Variants in NBAS observed in about 807,000 individuals in gnomAD.
The protein encoded by NBAS is NBAS subunit of NRZ tethering complex, also known as NAG/BC035112 fusion.
A neutral mutation model predicts 302.5 loss-of-function variants in NBAS; 219 were observed. That is an observed-to-expected ratio of 0.72 (90% CI 0.65 to 0.81). The LOEUF is 0.81. NBAS is among the 30% of genes least tolerant of loss of function. The pLI is 0.00. For synonymous variants in NBAS, 1,118 were observed against 1,021.6 expected (o/e 1.09, Z -1.80); for missense variants, 2,932 against 2,841.6 (o/e 1.03, Z -0.72).
At chr2:14,841,500 C>CAA in the NBAS span, among the ~76,000 whole-genome samples, 5 of 122,032 alleles carry the variant, frequency 4.1e-5, no homozygotes, top group Non-Finnish European at 7.5e-5. Flanking sequence ...CAACTGGAAA[C>CAA]AAAAAAAAAA....
At chr2:15,032,637 C>A in the NBAS span, among the ~76,000 whole-genome samples, 1 of 152,062 alleles carries the variant, frequency 6.6e-6, no homozygotes, top group Non-Finnish European at 1.5e-5. Flanking sequence ...TTTGGCCTAT[C>A]TATATTGCAA....
chr2:15,016,456 G>A, the NBAS span, among the ~76,000 whole-genome samples: 1 of 152,010 alleles, frequency 6.6e-6, no homozygotes, highest in African/African-American at 2.4e-5. Context: ...ACAAAACACT[G>A]ATGAAATAAT....
At chr2:15,558,484 C>A in intron 2 of NBAS, 96 bp downstream of exon 2, 1 of 848,144 alleles carries the variant, frequency 1.2e-6, no homozygotes, top group Non-Finnish European at 1.9e-6. Flanking sequence ...ACTCAGATAA[C>A]ACACATTACT....
chr2:14,908,780 G>A, the NBAS span, among the ~76,000 whole-genome samples: 1,396 of 152,268 alleles, frequency 9.2e-3, 21 homozygotes, highest in South Asian at 0.039. Flanking sequence ...CTCTGAAGAT[G>A]AAATCACCCC....
chr2:15,356,918 T>C (rs192258403), intron 32 of NBAS, among the ~76,000 whole-genome samples: 1 of 152,314 alleles, frequency 6.6e-6, no homozygotes, highest in Admixed American at 6.5e-5. Context: ...CAAATTCTCG[T>C]TGGGCTCCTC....
chr2:15,441,018 A>G (rs1409292520), intron 21 of NBAS, among the ~76,000 whole-genome samples: 5 of 152,218 alleles, frequency 3.3e-5, no homozygotes. Flanking sequence ...AAAAGACCAA[A>G]TCTGCATCTG....
rs61152926 is a variant in NBAS at position 15,229,347 on chromosome 2, C to CAAAAAAAA, written c.6236+3067_6236+3074dup. 2.6e-3 allele frequency among the ~76,000 whole-genome samples: 200 copies of CAAAAAAAA among 76,882 alleles called. 9 individuals carry two copies. The highest frequency in any genetic ancestry group is 0.014 in the Middle Eastern group (1 of 72). The allele number at this position is 76,882 out of a possible 152,430, so 50.4% of individuals were successfully genotyped here. On this transcript the variant is annotated intron_variant, in intron 47 of 51. Transcript: ENST00000281513. ...CACTGCAAGACTCTGTCTCAAAAAA[C>CAAAAAAAA]AAAAAAAAAAAAAAAAAAAAAAAAA...
chr2:15,289,456 G>A (rs1572596997), intron 41 of NBAS, among the ~76,000 whole-genome samples: 1 of 152,138 alleles, frequency 6.6e-6, no homozygotes, highest in Non-Finnish European at 1.5e-5. Flanking sequence ...ATCATGGAAT[G>A]AGAATTCCTT....
the NBAS span, among the ~76,000 whole-genome samples, chr2:14,934,278 AT>A: frequency 6.6e-6 from 1 of 152,138 alleles, no homozygotes; most frequent in Non-Finnish European, 1.5e-5. Flanking sequence ...TTAAAAACCT[AT>A]TTTTTCCATT....
intron 44 of NBAS, among the ~76,000 whole-genome samples, chr2:15,246,402 T>A (rs1441642661): frequency 6.6e-6 from 1 of 152,194 alleles, no homozygotes; most frequent in Non-Finnish European, 1.5e-5. Context: ...TCCCTAGACC[T>A]AACATAATGT....
In NBAS at chr2:15,238,693, A is replaced by G. The variant is rs750811014; in HGVS notation, c.5725-7T>C. 3 of 1,462,550 alleles carry G rather than the reference A, an allele frequency of 2.1e-6. No homozygotes were observed. The highest frequency in any genetic ancestry group is 2.7e-6 in the Non-Finnish European group (3 of 1,113,428). 90.6% of individuals were successfully genotyped at this position (1,462,550 alleles called of 1,614,324 possible). On this transcript the variant is annotated splice_polypyrimidine_tract_variant and splice_region_variant and intron_variant, in intron 44 of 51. Coordinates refer to ENST00000281513, the MANE Select transcript of NBAS (RefSeq NM_015909.4). ...TACGGGCTTCCACAGACAGCTTAAA[A>G]AAAAGAATAGTGAGACCAAAGAACC...
At chr2:15,288,090 G>A (rs1308680180) in intron 41 of NBAS, among the ~76,000 whole-genome samples, 2 of 152,240 alleles carry the variant, frequency 1.3e-5, no homozygotes, top group Non-Finnish European at 2.9e-5. Context: ...CGGTTGAAAA[G>A]ATATGAACTA....
chr2:15,303,948 C>T (rs1413557572), intron 40 of NBAS, among the ~76,000 whole-genome samples: 1 of 152,132 alleles, frequency 6.6e-6, no homozygotes, highest in African/African-American at 2.4e-5. Flanking sequence ...GGATTTAGAG[C>T]AAGCAGCAAG....
the NBAS span, among the ~76,000 whole-genome samples, chr2:14,827,191 C>T: frequency 6.6e-6 from 1 of 152,142 alleles, no homozygotes. Flanking sequence ...AGAGCAAGGA[C>T]CAGATAGTTC....
the NBAS span, among the ~76,000 whole-genome samples, chr2:14,782,826 G>A: frequency 6.6e-6 from 1 of 152,024 alleles, no homozygotes; most frequent in Admixed American, 6.6e-5. Context: ...TAGAGCTGGA[G>A]GCCATTATCC....
At chr2:15,032,542 T>A in the NBAS span, among the ~76,000 whole-genome samples, 4 of 152,218 alleles carry the variant, frequency 2.6e-5, no homozygotes, top group African/African-American at 9.6e-5. Context: ...CCTCATAGCT[T>A]GTAGTAAAAT....
chr2:15,556,274 A>G (rs185393478), intron 3 of NBAS, among the ~76,000 whole-genome samples: 109 of 152,324 alleles, frequency 7.2e-4, no homozygotes, highest in African/African-American at 2.5e-3. Flanking sequence ...TGTATCTAAA[A>G]GCAGAATTAT....
chr2:15,387,192 C>G (rs1230194592), intron 28 of NBAS, among the ~76,000 whole-genome samples: 1 of 151,856 alleles, frequency 6.6e-6, no homozygotes, highest in Non-Finnish European at 1.5e-5. Context: ...CTCAGCCTCC[C>G]AAGTAGCTGG....
intron 44 of NBAS, among the ~76,000 whole-genome samples, chr2:15,256,962 T>C (rs1250294229): frequency 6.6e-6 from 1 of 152,222 alleles, no homozygotes; most frequent in Non-Finnish European, 1.5e-5. Context: ...GGTTATTTTG[T>C]TGAGGATTTT....
Sources: allele counts gnomAD v4.1 joint callset (sites outside exome capture counted in the v4.1 genomes callset), GRCh38; gene constraint gnomAD v4.1.1; transcripts MANE v1.5; gene names NCBI Gene and HGNC (gene_info 2026-07-23, HGNC 2026-07-21).